Variants in NWD2 observed in about 807,000 individuals in gnomAD.
NWD2 encodes NACHT and WD repeat domain-containing protein 2.
Under a neutral mutation model 132.7 loss-of-function variants are expected in NWD2, and 37 were observed. The ratio of observed to expected loss-of-function variants is 0.28; its 90% CI spans 0.21 to 0.37. The LOEUF (loss-of-function observed/expected upper bound fraction) is 0.37. NWD2 is among the 10% of genes least tolerant of loss of function. NWD2 has a pLI of 1.00. For missense variants in NWD2, 1,592 were observed against 2,122.4 expected, an observed-to-expected ratio of 0.75 and a Z score of 4.91; for synonymous variants, 705 against 803.0, an observed-to-expected ratio of 0.88 and a Z score of 2.06.
In NWD2 at chr4:37,409,466, AT is replaced by A. The variant is rs547884917; in HGVS notation, c.358-21105del. ...GTGAAGACAAGATTATGGAAAAAAA[AT>A]AAAAAGGAATGAACAAAGACTCCAA... On this transcript the variant is annotated intron_variant, in intron 3 of 6. Transcript: ENST00000309447. Among the ~76,000 whole-genome samples the A allele has an allele frequency of 9.9e-5, 15 of 152,178 alleles. 1 individual carries two copies. Among genetic ancestry groups the A allele is most frequent in the Admixed American group, 5.9e-4 (9 of 15,284 alleles).
At chr4:37,315,743 C>G (rs533735923) in intron 1 of NWD2, among the ~76,000 whole-genome samples, 2 of 151,968 alleles carry the variant, frequency 1.3e-5, no homozygotes, top group African/African-American at 2.4e-5. Flanking sequence ...ACATATCTCA[C>G]GTTGGTTTTC....
intron 1 of NWD2, among the ~76,000 whole-genome samples, chr4:37,314,443 T>G (rs1400767069): frequency 1.3e-5 from 2 of 152,216 alleles, no homozygotes; most frequent in Non-Finnish European, 2.9e-5. Flanking sequence ...CTAAATGATT[T>G]TACTTGTTAC....
At chr4:37,421,266 A>G (rs951137087) in intron 3 of NWD2, among the ~76,000 whole-genome samples, 17 of 152,218 alleles carry the variant, frequency 1.1e-4, no homozygotes, top group African/African-American at 3.6e-4. Flanking sequence ...TTGTAAGGCA[A>G]CTGCCAGGAT....
chr4:37,443,756 AGGAAGGTCACATCAGGC>A lies in NWD2; in HGVS notation c.1769_1785del (p.Arg590ThrfsTer36). ...CAAACACCAGCTGCTGCGCGTCAAAAGGAAGGTCACATCAGGCCAGCAGATTTATGTGAACAATGCAT... is the reference window on the plus strand; with the variant it reads ...CAAACACCAGCTGCTGCGCGTCAAAACAGCAGATTTATGTGAACAATGCAT... On this transcript the variant is annotated frameshift_variant, in exon 7 of 7. Transcript: ENST00000309447. LOFTEE classifies it high-confidence loss of function. This position sits in a 1 kb window ranked among gnomAD's most constrained non-coding sequence, Gnocchi z 4.1. 1 of 1,552,022 alleles carries A rather than the reference AGGAAGGTCACATCAGGC, an allele frequency of 6.4e-7. No homozygotes were observed. The highest frequency in any genetic ancestry group is 8.7e-7 in the Non-Finnish European group (1 of 1,147,076).
In NWD2 at chr4:37,446,471, G is replaced by C; in HGVS notation, c.4483G>C (p.Val1495Leu). 1 of 1,551,686 alleles carries C rather than the reference G, an allele frequency of 6.4e-7. No individual in the cohort carries two copies. Among genetic ancestry groups the C allele is most frequent in the South Asian group, 1.2e-5 (1 of 84,056 alleles). Residue 1495 changes from valine to leucine, a missense_variant, in exon 7 of 7, where the codon GTG becomes CTG. Physicochemically the swap from Val to Leu is conservative, Grantham distance 32. Coordinates refer to ENST00000309447, the MANE Select transcript of NWD2 (RefSeq NM_001144990.2). The surrounding 1 kb of genome is among the most constrained non-coding windows in gnomAD (Gnocchi z 6.7). ...AATCCCTGACTGTCCTGATATCATC[G>C]TGTTTATCACATCGGCCGAGACTGT... ...KLIPDCPDII[V>L]FITSAETVNI...
At position 37,444,012 on chromosome 4, in the gene NWD2, T is replaced by C. The variant is rs1712560004; in HGVS notation, c.2024T>C (p.Met675Thr). ...ITMAKMGLSE[M>T]ELEDVLALDN... is the part of the protein sequence containing the mutation. The stretch of plus-strand genomic sequence containing the variant: ...ATGGCCAAAATGGGTCTGAGTGAAA[T>C]GGAACTGGAGGATGTGTTAGCCCTA... Residue 675 changes from methionine (M) to threonine (T), a missense_variant, in exon 7 of 7, where the codon ATG becomes ACG. Coordinates refer to ENST00000309447, the MANE Select transcript of NWD2 (RefSeq NM_001144990.2). This position sits in a 1 kb window ranked among gnomAD's most constrained non-coding sequence, Gnocchi z 4.8. 2.6e-6 allele frequency: 4 copies of C among 1,552,006 alleles called. No homozygotes were observed. The South Asian group carries it at 4.8e-5, about 18-fold the overall frequency.
At position 37,446,949 on chromosome 4, in the gene NWD2, A is replaced by C; in HGVS notation, c.4961A>C (p.Lys1654Thr). 6.4e-7 allele frequency: 1 copy of C among 1,551,616 alleles called. No homozygotes were observed. The highest frequency in any genetic ancestry group is 8.7e-7 in the Non-Finnish European group (1 of 1,146,966). ...TVVDRVDAAL[K>T]IKIATSNSRQ... ...GTAGACCGTGTAGATGCTGCACTGA[A>C]AATCAAAATTGCCACTTCAAATAGC... is the stretch of plus-strand genomic sequence containing the variant. The change falls in exon 7 of 7, where the codon AAA becomes ACA. Residue 1654 changes from lysine (K) to threonine (T), a missense_variant. Transcript: ENST00000309447. The surrounding 1 kb of genome is among the most constrained non-coding windows in gnomAD (Gnocchi z 6.7).
At chr4:37,342,614 ACTT>A (rs1342967523) in intron 2 of NWD2, among the ~76,000 whole-genome samples, 1 of 152,052 alleles carries the variant, frequency 6.6e-6, no homozygotes, top group Non-Finnish European at 1.5e-5. Flanking sequence ...TCTTGCCACT[ACTT>A]CTCTGCCCCT....
At chr4:37,260,525 G>A (rs1054642411) in intron 1 of NWD2, among the ~76,000 whole-genome samples, 6 of 152,114 alleles carry the variant, frequency 3.9e-5, no homozygotes, top group Non-Finnish European at 8.8e-5. Flanking sequence ...TGTCCTTCCT[G>A]TAACAGAGTT....
intron 1 of NWD2, among the ~76,000 whole-genome samples, chr4:37,273,625 T>C (rs1276640894): frequency 6.6e-6 from 1 of 152,122 alleles, no homozygotes; most frequent in Non-Finnish European, 1.5e-5. Context: ...CAACAGAATA[T>C]ACATTCTTCT....
intron 3 of NWD2, among the ~76,000 whole-genome samples, chr4:37,420,955 A>G (rs1711791619): frequency 6.6e-6 from 1 of 152,108 alleles, no homozygotes; most frequent in Non-Finnish European, 1.5e-5. Flanking sequence ...AGATCCACAT[A>G]TCTAATTCTT....
At position 37,443,987 on chromosome 4, in the gene NWD2, A is replaced by G. The variant is rs1183469439; in HGVS notation, c.1999A>G (p.Met667Val). ...LVSRALGYIT[M>V]AKMGLSEMEL... is the part of the protein sequence containing the mutation. ...CTCTAGGGCTCTTGGTTACATCACC[A>G]TGGCCAAAATGGGTCTGAGTGAAAT... The change falls in exon 7 of 7, where the codon ATG becomes GTG. Residue 667 changes from methionine (M) to valine (V), a missense_variant. Around this residue, in one of 7 missense-constraint regions of NWD2, gnomAD observed 1,071 missense variants for 1,398.0 expected, o/e 0.77. Coordinates refer to ENST00000309447, the MANE Select transcript of NWD2 (RefSeq NM_001144990.2). This position sits in a 1 kb window ranked among gnomAD's most constrained non-coding sequence, Gnocchi z 4.1. 4 of 1,552,156 alleles carry G rather than the reference A, an allele frequency of 2.6e-6. No individual in the cohort carries two copies. In the East Asian group the frequency reaches 7.3e-5, roughly 28 times the overall value.
intron 1 of NWD2, among the ~76,000 whole-genome samples, chr4:37,312,086 G>T (rs1177053259): frequency 4.0e-5 from 6 of 151,590 alleles, no homozygotes; most frequent in Non-Finnish European, 8.8e-5. Flanking sequence ...TTGTTCTTTT[G>T]GCTTAGGATT....
chr4:37,267,925 G>C (rs1047026901), intron 1 of NWD2, among the ~76,000 whole-genome samples: 2 of 151,740 alleles, frequency 1.3e-5, no homozygotes, highest in African/African-American at 2.4e-5. Context: ...ATGGTGTTCT[G>C]CCTCCAGTAC....
At position 37,430,775 on chromosome 4, in the gene NWD2, A is replaced by C. The variant is rs1365212733; in HGVS notation, c.561A>C (p.Ala187=). ...KSEMLRSNRN[A]MQPSTNAENE... ...AAATGCTGAGAAGCAATAGAAATGC[A>C]GTAAGCTGCCTTTCCCTCAAGCCTA... Residue 187 remains alanine (A), a splice_region_variant and synonymous_variant, in exon 4 of 7, where the codon GCA becomes GCC. Coordinates refer to ENST00000309447, the MANE Select transcript of NWD2 (RefSeq NM_001144990.2). The C allele has an allele frequency of 6.4e-7, 1 of 1,551,108 alleles. No individual in the cohort carries two copies. Among genetic ancestry groups the C allele is most frequent in the East Asian group, 2.4e-5 (1 of 40,922 alleles).
At chr4:37,401,258 G>A (rs1362332950) in intron 3 of NWD2, among the ~76,000 whole-genome samples, 3 of 152,090 alleles carry the variant, frequency 2.0e-5, no homozygotes, top group Non-Finnish European at 4.4e-5. Context: ...TGAGCCCCCT[G>A]GGTGTGCCTA....
In NWD2 at chr4:37,445,352, A is replaced by G; in HGVS notation, c.3364A>G (p.Thr1122Ala). 6.4e-7 allele frequency: 1 copy of G among 1,552,174 alleles called. No individual in the cohort carries two copies. Among genetic ancestry groups the G allele is most frequent in the Non-Finnish European group, 8.7e-7 (1 of 1,147,094 alleles). ...TTTCTGTGGCCAATACCTGAACACA[A>G]CCACCATATTTCATTTAGGGAGTGG... is the stretch of plus-strand genomic sequence containing the variant. The part of the protein sequence containing the change: ...YAFCGQYLNT[T>A]TIFHLGSGEK... Residue 1122 changes from threonine to alanine, a missense_variant, in exon 7 of 7, where the codon ACC (threonine) becomes GCC (alanine). Coordinates refer to ENST00000309447, the MANE Select transcript of NWD2 (RefSeq NM_001144990.2). This position sits in a 1 kb window ranked among gnomAD's most constrained non-coding sequence, Gnocchi z 4.7.
intron 2 of NWD2, among the ~76,000 whole-genome samples, chr4:37,341,301 TAA>T (rs1435675683): frequency 6.6e-6 from 1 of 152,246 alleles, no homozygotes; most frequent in African/African-American, 2.4e-5. Flanking sequence ...TTCAGTAGGT[TAA>T]GTGTATTAAA....
At chr4:37,394,847 A>G (rs1338895867) in intron 3 of NWD2, among the ~76,000 whole-genome samples, 2 of 107,906 alleles carry the variant, frequency 1.9e-5, no homozygotes, top group Admixed American at 2.9e-4. Flanking sequence ...GCCTCCCTCC[A>G]CTGCCCAGGC....
Sources: gnomAD v4.1 joint callset for allele counts (sites outside exome capture counted in the v4.1 genomes callset) on GRCh38, gnomAD v4.1.1 for gene constraint, gnomAD v4.1.1 regional missense constraint, Gnocchi (gnomAD v3.1) non-coding constraint, MANE v1.5 for transcripts, NCBI Gene and HGNC (gene_info 2026-07-23, HGNC 2026-07-21) for gene names.